The following CNTNAP2 variants were observed in gnomAD, a reference collection of about 807,000 sequenced individuals.
The protein encoded by CNTNAP2 is contactin associated protein 2.
Under a neutral mutation model 155.2 loss-of-function variants are expected in CNTNAP2, and 98 were observed. That is an observed-to-expected ratio of 0.63 (90% CI 0.54 to 0.75). The LOEUF (loss-of-function observed/expected upper bound fraction) is 0.75. CNTNAP2 is among the 30% of genes least tolerant of loss of function. The pLI is 0.00. For synonymous variants in CNTNAP2, 651 were observed against 631.2 expected, an observed-to-expected ratio of 1.03 and a Z score of -0.47; for missense variants, 1,727 against 1,688.1, an observed-to-expected ratio of 1.02 and a Z score of -0.40.
intron 18 of CNTNAP2, among the ~76,000 whole-genome samples, chr7:148,189,422 G>A (rs145231320): frequency 1.0e-3 from 156 of 152,222 alleles, no homozygotes; most frequent in African/African-American, 3.4e-3. Context: ...TCAAGAGCAG[G>A]CAATTATAAA....
chr7:147,071,324 G>C (rs1488755281), intron 4 of CNTNAP2, among the ~76,000 whole-genome samples: 1 of 124,042 alleles, frequency 8.1e-6, no homozygotes, highest in African/African-American at 4.7e-5. Context: ...AGATTATCCT[G>C]CAAAAAAAAA....
chr7:148,310,853 G>A (rs182957122), intron 21 of CNTNAP2, among the ~76,000 whole-genome samples: 4 of 152,298 alleles, frequency 2.6e-5, no homozygotes, highest in East Asian at 3.9e-4. Flanking sequence ...AAGTAACTGC[G>A]TAGAGGGGGA....
chr7:146,147,552 T>A (rs779285327), intron 1 of CNTNAP2, among the ~76,000 whole-genome samples: 3 of 152,090 alleles, frequency 2.0e-5, no homozygotes, highest in Non-Finnish European at 4.4e-5. Context: ...TATTTTTCCC[T>A]AGGCATATAC....
rs530326560 is a variant in CNTNAP2, at chr7:146,691,971, G to A, written c.98-82300G>A. On this transcript the variant is annotated intron_variant, in intron 1 of 23. Coordinates refer to ENST00000361727, the MANE Select transcript of CNTNAP2 (RefSeq NM_014141.6). ...AATTTAAGGTCCTAAAACCCATTAC[G>A]AATGTTCTGAGACATCCAATGATGC... Among the ~76,000 whole-genome samples, 128 of 152,172 alleles carry A rather than the reference G, an allele frequency of 8.4e-4. 2 individuals are homozygous for A. Among genetic ancestry groups the A allele is most frequent in the African/African-American group, 2.7e-3 (113 of 41,540 alleles).
At chr7:146,394,387 G>A (rs2109695) in intron 1 of CNTNAP2, among the ~76,000 whole-genome samples, 56,404 of 151,878 alleles carry the variant, frequency 0.37, 11,308 homozygotes, top group African/African-American at 0.51. Context: ...GGATCAGATT[G>A]CAAGGAAGAA....
chr7:147,539,331 T>G (rs901689602), intron 11 of CNTNAP2, among the ~76,000 whole-genome samples: 4 of 152,096 alleles, frequency 2.6e-5, no homozygotes, highest in African/African-American at 9.7e-5. Flanking sequence ...TACATTATAG[T>G]GCTATTCCCC....
intron 3 of CNTNAP2, among the ~76,000 whole-genome samples, chr7:146,888,287 C>G (rs1795709215): frequency 6.6e-6 from 1 of 151,900 alleles, no homozygotes; most frequent in Non-Finnish European, 1.5e-5. Flanking sequence ...TGGAAATTTT[C>G]TCAATTTTAT....
At chr7:146,970,263 G>C (rs1336081311) in intron 3 of CNTNAP2, among the ~76,000 whole-genome samples, 2 of 152,078 alleles carry the variant, frequency 1.3e-5, no homozygotes, top group Non-Finnish European at 2.9e-5. Context: ...TACCATCAGA[G>C]TGAACAGGCA....
At chr7:147,281,474 G>C (rs1805032350) in intron 8 of CNTNAP2, among the ~76,000 whole-genome samples, 1 of 151,706 alleles carries the variant, frequency 6.6e-6, no homozygotes, top group Non-Finnish European at 1.5e-5. Flanking sequence ...ATAATTGAAT[G>C]AAAGAATTCC....
At chr7:146,697,527 C>G (rs1800802829) in intron 1 of CNTNAP2, among the ~76,000 whole-genome samples, 1 of 152,204 alleles carries the variant, frequency 6.6e-6, no homozygotes, top group Non-Finnish European at 1.5e-5. Flanking sequence ...GCGTGAGCCA[C>G]CACGCTTGGC....
chr7:148,266,888 G>T, intron 20 of CNTNAP2, 145 bp from the exon 21 acceptor site: 1 of 761,618 alleles, frequency 1.3e-6, no homozygotes, highest in East Asian at 2.6e-5. Flanking sequence ...CCATTTTCTC[G>T]GGGTGGTGTT....
At chr7:146,941,586 T>C (rs1266843698) in intron 3 of CNTNAP2, among the ~76,000 whole-genome samples, 1 of 152,200 alleles carries the variant, frequency 6.6e-6, no homozygotes, top group Non-Finnish European at 1.5e-5. Flanking sequence ...TACCAATGAG[T>C]TTTATTCTTT....
intron 15 of CNTNAP2, among the ~76,000 whole-genome samples, chr7:148,111,458 C>T (rs1804350229): frequency 6.7e-6 from 1 of 149,998 alleles, no homozygotes; most frequent in Non-Finnish European, 1.5e-5. Flanking sequence ...AACACAATGA[C>T]AGTATTGAAA....
chr7:146,859,806 C>G (rs923311691), intron 3 of CNTNAP2, among the ~76,000 whole-genome samples: 2 of 151,860 alleles, frequency 1.3e-5, no homozygotes, highest in African/African-American at 4.8e-5. Context: ...AAATATTGCA[C>G]GTGGTATCTC....
intron 13 of CNTNAP2, among the ~76,000 whole-genome samples, chr7:147,656,324 G>A (rs567252549): frequency 6.6e-6 from 1 of 152,360 alleles, no homozygotes; most frequent in East Asian, 1.9e-4. Context: ...TTTGCTAGCT[G>A]TTTGGCGCAA....
chr7:146,888,746 C>A (rs1795718434), intron 3 of CNTNAP2, among the ~76,000 whole-genome samples: 1 of 151,874 alleles, frequency 6.6e-6, no homozygotes, highest in South Asian at 2.1e-4. Flanking sequence ...ATAAACCAGA[C>A]ACAGAAAGAC....
chr7:147,329,998 A>G (rs1795528144), intron 9 of CNTNAP2, among the ~76,000 whole-genome samples: 1 of 152,102 alleles, frequency 6.6e-6, no homozygotes, highest in Non-Finnish European at 1.5e-5. Context: ...AGACCCTTGG[A>G]GCTTCCTGAG....
intron 9 of CNTNAP2, among the ~76,000 whole-genome samples, chr7:147,309,155 G>T (rs1335310548): frequency 6.6e-6 from 1 of 152,002 alleles, no homozygotes; most frequent in African/African-American, 2.4e-5. Flanking sequence ...ACTATTTATC[G>T]CCTCTTAAAA....
intron 1 of CNTNAP2, among the ~76,000 whole-genome samples, chr7:146,544,760 G>A (rs1329922363): frequency 6.6e-6 from 1 of 151,836 alleles, no homozygotes; most frequent in Non-Finnish European, 1.5e-5. Flanking sequence ...CTGCTGAGCC[G>A]GGCTCTAGTA....
Sources: allele counts gnomAD v4.1 joint callset (sites outside exome capture counted in the v4.1 genomes callset), GRCh38; gene constraint gnomAD v4.1.1; transcripts MANE v1.5; gene names NCBI Gene and HGNC (gene_info 2026-07-23, HGNC 2026-07-21).